Variants in CERT1 observed in about 807,000 individuals in gnomAD.
The protein encoded by CERT1 is ceramide transporter 1.
Under a neutral mutation model 87.9 loss-of-function variants are expected in CERT1, and 31 were observed. The observed-to-expected ratio is 0.35, with a 90% CI of 0.27 to 0.48. The LOEUF is 0.48. CERT1 is among the 20% of genes least tolerant of loss of function. CERT1 has a pLI of 0.99. For synonymous variants in CERT1, 289 were observed against 250.9 expected (o/e 1.15, Z -1.44); for missense variants, 487 against 758.0 (o/e 0.64, Z 4.20).
chr5:75,395,276 T>A (rs1237223912), intron 11 of CERT1, among the ~76,000 whole-genome samples: 3 of 152,230 alleles, frequency 2.0e-5, no homozygotes, highest in Non-Finnish European at 4.4e-5. Flanking sequence ...GAATCTAAAT[T>A]CTTTCTATTC....
At chr5:75,371,255 T>C (rs1387129718) in intron 17 of CERT1, 2 of 152,218 alleles carry the variant, frequency 1.3e-5, no homozygotes, top group African/African-American at 4.8e-5. Context: ...CCCAAGGTAC[T>C]TTAAAATGAT....
In CERT1 at chr5:75,511,380, T is replaced by G. The variant is rs1270151508; in HGVS notation, c.-173A>C. On this transcript the variant is annotated 5_prime_UTR_variant, in exon 1 of 17. Transcript: ENST00000643780. ...CCGCCCGCCGCGCCGCCGCCGCGCC[T>G]GACACCGAGCGGAGCGAGGAAGGAG... 1 of 1,546,298 alleles carries G rather than the reference T, an allele frequency of 6.5e-7. No homozygotes were observed. Among genetic ancestry groups the G allele is most frequent in the Non-Finnish European group, 8.7e-7 (1 of 1,145,712 alleles).
intron 3 of CERT1, among the ~76,000 whole-genome samples, chr5:75,429,200 T>TAATAATAATA (rs35257866): frequency 1.6e-5 from 2 of 127,172 alleles, no homozygotes; most frequent in African/African-American, 6.3e-5. Context: ...TAATAATAAT[T>TAATAATAATA]ATTATTATTA....
At chr5:75,503,759 T>C (rs183064735) in intron 2 of CERT1, among the ~76,000 whole-genome samples, 138 of 62,034 alleles carry the variant, frequency 2.2e-3, no homozygotes, top group African/African-American at 8.1e-3. Flanking sequence ...CATGTACATA[T>C]AGCTATAACA....
chr5:75,391,192 A>G (rs1417332429), intron 11 of CERT1, among the ~76,000 whole-genome samples: 1 of 152,174 alleles, frequency 6.6e-6, no homozygotes, highest in African/African-American at 2.4e-5. Flanking sequence ...CCTGGTCCCA[A>G]GTGATCTTCC....
chr5:75,489,119 C>A (rs1057198454), intron 2 of CERT1, among the ~76,000 whole-genome samples: 5 of 152,110 alleles, frequency 3.3e-5, no homozygotes, highest in African/African-American at 1.2e-4. Context: ...TGATCTCTGA[C>A]AAACCTGACA....
intron 8 of CERT1, 105 bp downstream of exon 8, chr5:75,410,906 T>A (rs1262077431): frequency 1.9e-6 from 1 of 537,324 alleles, no homozygotes; most frequent in Non-Finnish European, 3.1e-6. Flanking sequence ...GAGGAAAAAA[T>A]TATATATTTA....
intron 8 of CERT1, among the ~76,000 whole-genome samples, chr5:75,408,255 T>C (rs1292923161): frequency 6.6e-6 from 1 of 152,140 alleles, no homozygotes; most frequent in Admixed American, 6.5e-5. Context: ...AGGAAGGTCT[T>C]CAGGACTCAG....
At chr5:75,500,296 T>C (rs1254441824) in intron 2 of CERT1, among the ~76,000 whole-genome samples, 1 of 152,216 alleles carries the variant, frequency 6.6e-6, no homozygotes, top group South Asian at 2.1e-4. Flanking sequence ...TACTTTCTTA[T>C]GGCAACCCTA....
At chr5:75,456,663 CAAAAA>C (rs34320476) in intron 3 of CERT1, among the ~76,000 whole-genome samples, 2 of 69,424 alleles carry the variant, frequency 2.9e-5, no homozygotes, top group African/African-American at 5.8e-5. Flanking sequence ...GACCTCATCT[CAAAAA>C]AAAAAAAAAA....
chr5:75,400,377 C>T, intron 9 of CERT1, 80 bp from the exon 10 acceptor site: 1 of 956,754 alleles, frequency 1.0e-6, no homozygotes, highest in Non-Finnish European at 1.6e-6. Flanking sequence ...TAACCTGGAA[C>T]TACCAACATT....
chr5:75,507,818 A>T (rs1199333528), intron 1 of CERT1, among the ~76,000 whole-genome samples: 2 of 152,218 alleles, frequency 1.3e-5, no homozygotes, highest in Non-Finnish European at 2.9e-5. Flanking sequence ...TGCCTAGCAT[A>T]GTCACAGAAG....
intron 3 of CERT1, among the ~76,000 whole-genome samples, chr5:75,428,674 T>C (rs1228092596): frequency 7.7e-5 from 11 of 143,438 alleles, no homozygotes; most frequent in Non-Finnish European, 9.1e-5. Context: ...CGAGACTCTG[T>C]CTCAAAAAAA....
chr5:75,503,000 C>A (rs954819038), intron 2 of CERT1, among the ~76,000 whole-genome samples: 1 of 152,048 alleles, frequency 6.6e-6, no homozygotes, highest in Non-Finnish European at 1.5e-5. Flanking sequence ...TTTTTCCTCT[C>A]ACCTACTTAC....
chr5:75,454,039 G>A (rs1043358627), intron 3 of CERT1, among the ~76,000 whole-genome samples: 4 of 152,134 alleles, frequency 2.6e-5, no homozygotes, highest in Non-Finnish European at 5.9e-5. Context: ...AAAAATACAG[G>A]TCTACTAATG....
chr5:75,387,280 A>T (rs915513405), intron 12 of CERT1, among the ~76,000 whole-genome samples: 8 of 152,196 alleles, frequency 5.3e-5, no homozygotes, highest in African/African-American at 1.7e-4. Context: ...CAGAGCAGGG[A>T]GGCCTCTAGC....
chr5:75,506,919 G>C (rs148989202), intron 1 of CERT1, among the ~76,000 whole-genome samples: 1 of 152,240 alleles, frequency 6.6e-6, no homozygotes, highest in African/African-American at 2.4e-5. Context: ...AACCTTTACA[G>C]GAATACTTAT....
chr5:75,417,350 C>A, intron 6 of CERT1, among the ~76,000 whole-genome samples: 1 of 151,702 alleles, frequency 6.6e-6, no homozygotes, highest in Non-Finnish European at 1.5e-5. Flanking sequence ...AGAGTAGGAC[C>A]TAATTATGGC....
intron 2 of CERT1, among the ~76,000 whole-genome samples, chr5:75,498,599 G>A (rs1767189826): frequency 6.6e-6 from 1 of 152,254 alleles, no homozygotes; most frequent in African/African-American, 2.4e-5. Context: ...TTCCCACGGT[G>A]TTGGGCCAGT....
Sources: gnomAD v4.1 joint callset for allele counts (sites outside exome capture counted in the v4.1 genomes callset) on GRCh38, gnomAD v4.1.1 for gene constraint, MANE v1.5 for transcripts, NCBI Gene and HGNC (gene_info 2026-07-23, HGNC 2026-07-21) for gene names.